Variants in IQCK observed in about 807,000 individuals in gnomAD.
IQCK encodes the protein IQ motif containing K, also known as IQ domain-containing protein K.
In IQCK, 29 loss-of-function variants were observed where a neutral mutation model predicts 28.1. The ratio of observed to expected loss-of-function variants is 1.03; its 90% CI spans 0.77 to 1.41. The LOEUF (loss-of-function observed/expected upper bound fraction) is 1.41, where lower values mean the gene tolerates loss of function less well. IQCK is among the 40% of genes most tolerant of loss of function. The pLI is 0.00. For missense variants in IQCK, 359 were observed against 314.7 expected (o/e 1.14, Z -1.07); for synonymous variants, 113 against 115.1 (o/e 0.98, Z 0.12).
At chr16:19,847,373 C>G (rs769794435) in intron 9 of IQCK, among the ~76,000 whole-genome samples, 1 of 152,146 alleles carries the variant, frequency 6.6e-6, no homozygotes, top group Non-Finnish European at 1.5e-5. Flanking sequence ...TGGGGTACAC[C>G]GGTCACAGTG....
chr16:19,766,666 G>A (rs569876928), intron 6 of IQCK, among the ~76,000 whole-genome samples: 72 of 152,182 alleles, frequency 4.7e-4, no homozygotes, highest in Non-Finnish European at 7.8e-4. Flanking sequence ...CAGCATCTCT[G>A]GCCTCCACTC....
intron 2 of IQCK, among the ~76,000 whole-genome samples, chr16:19,731,637 T>A (rs903412306): frequency 6.6e-6 from 1 of 152,212 alleles, no homozygotes; most frequent in Admixed American, 6.5e-5. Flanking sequence ...TATAAAGAGA[T>A]TTGATTGTTT....
chr16:19,752,123 ATTAAACCTTACAG>A (rs1235393139), intron 4 of IQCK, among the ~76,000 whole-genome samples: 1 of 152,230 alleles, frequency 6.6e-6, no homozygotes, highest in Non-Finnish European at 1.5e-5. Flanking sequence ...CATTATGAAG[ATTAAACCTTACAG>A]TTAGGTTGAT....
intron 9 of IQCK, among the ~76,000 whole-genome samples, chr16:19,849,807 A>AT (rs2056459417): frequency 1.3e-5 from 2 of 152,056 alleles, no homozygotes; most frequent in African/African-American, 4.8e-5. Context: ...ATGAAAGAAA[A>AT]GAAAGGAAGG....
At chr16:19,741,945 T>C (rs2354583) in intron 4 of IQCK, among the ~76,000 whole-genome samples, 51,332 of 151,996 alleles carry the variant, frequency 0.34, 13,496 homozygotes, top group African/African-American at 0.74. Context: ...CAAGATCTCA[T>C]CACTGCAGTC....
intron 7 of IQCK, among the ~76,000 whole-genome samples, chr16:19,826,767 G>A (rs2056155136): frequency 6.6e-6 from 1 of 152,140 alleles, no homozygotes; most frequent in Admixed American, 6.5e-5. Flanking sequence ...CAAATGTGGT[G>A]GCTGCATTAT....
chr16:19,850,975 AT>A (rs1489951185), intron 9 of IQCK, among the ~76,000 whole-genome samples: 1 of 152,182 alleles, frequency 6.6e-6, no homozygotes, highest in Non-Finnish European at 1.5e-5. Context: ...GTGAGCCCTG[AT>A]TTGCACCACT....
chr16:19,729,614 TTTA>T (rs1472544643), intron 1 of IQCK, among the ~76,000 whole-genome samples: 18 of 151,804 alleles, frequency 1.2e-4, no homozygotes, highest in South Asian at 4.1e-4. Flanking sequence ...TCTTACCGAC[TTTA>T]TTATTTTATT....
chr16:19,837,633 T>C (rs908180649), intron 9 of IQCK, among the ~76,000 whole-genome samples: 8 of 152,160 alleles, frequency 5.3e-5, no homozygotes, highest in Non-Finnish European at 4.4e-5. Flanking sequence ...CAGTAACTGG[T>C]GGCTGGTTTT....
chr16:19,819,298 G>T (rs2056032576), intron 7 of IQCK, among the ~76,000 whole-genome samples: 2 of 151,952 alleles, frequency 1.3e-5, no homozygotes, highest in South Asian at 4.2e-4. Context: ...TTTGAGACGA[G>T]CCTGGCCAAC....
intron 6 of IQCK, among the ~76,000 whole-genome samples, chr16:19,777,290 T>C (rs1190190178): frequency 6.6e-6 from 1 of 152,108 alleles, no homozygotes; most frequent in Non-Finnish European, 1.5e-5. Context: ...TGTCACTGTG[T>C]CGTTTGAGGA....
intron 6 of IQCK, among the ~76,000 whole-genome samples, chr16:19,784,048 C>T (rs74013320): frequency 1.3e-5 from 2 of 152,112 alleles, no homozygotes; most frequent in South Asian, 2.1e-4. Context: ...AACAGAAAGG[C>T]GCTATCAAAT....
chr16:19,841,450 C>T (rs1406134997), intron 9 of IQCK, among the ~76,000 whole-genome samples: 1 of 152,110 alleles, frequency 6.6e-6, no homozygotes, highest in African/African-American at 2.4e-5. Flanking sequence ...AGAAAGAGTC[C>T]TAGGCTTAGA....
At chr16:19,731,969 G>A (rs1977854315) in intron 2 of IQCK, among the ~76,000 whole-genome samples, 2 of 152,172 alleles carry the variant, frequency 1.3e-5, no homozygotes, top group Admixed American at 1.3e-4. Context: ...AGAGCCCCAG[G>A]GACCACTGGT....
chr16:19,822,385 C>CAAAAAAAAAAA (rs1216507836), intron 7 of IQCK, among the ~76,000 whole-genome samples: 2 of 61,168 alleles, frequency 3.3e-5, no homozygotes, highest in East Asian at 4.8e-4. Context: ...GACTCTGTCT[C>CAAAAAAAAAAA]AAAAAAAAAA....
intron 4 of IQCK, among the ~76,000 whole-genome samples, chr16:19,745,914 A>G (rs2054904943): frequency 2.6e-5 from 4 of 152,128 alleles, no homozygotes; most frequent in Admixed American, 2.6e-4. Context: ...CAGCTCCTTT[A>G]CAGCGTGGTG....
intron 1 of IQCK, among the ~76,000 whole-genome samples, chr16:19,724,126 A>G (rs929636527): frequency 2.0e-5 from 3 of 151,954 alleles, no homozygotes; most frequent in South Asian, 2.1e-4. Flanking sequence ...GCACCATACT[A>G]TTCCTCTCCA....
intron 4 of IQCK, among the ~76,000 whole-genome samples, chr16:19,751,261 C>T (rs564108671): frequency 1.3e-5 from 2 of 152,062 alleles, no homozygotes; most frequent in Admixed American, 6.6e-5. Context: ...GGCAGGCCTG[C>T]GTAGGTGGGT....
intron 7 of IQCK, among the ~76,000 whole-genome samples, chr16:19,804,258 C>T (rs928753479): frequency 6.6e-6 from 1 of 151,834 alleles, no homozygotes; most frequent in Non-Finnish European, 1.5e-5. Context: ...GCAGGAGAAT[C>T]ACTTGAACCT....
Sources: allele counts gnomAD v4.1 joint callset (sites outside exome capture counted in the v4.1 genomes callset), GRCh38; gene constraint gnomAD v4.1.1; transcripts MANE v1.5; gene names NCBI Gene and HGNC (gene_info 2026-07-23, HGNC 2026-07-21).